The following OCA2 variants were observed in gnomAD, a reference collection of about 807,000 sequenced individuals.
The protein encoded by OCA2 is P protein.
OCA2 carries 77 observed loss-of-function variants against 100.2 expected under a neutral mutation model. The ratio of observed to expected loss-of-function variants is 0.77; its 90% CI spans 0.64 to 0.93. The LOEUF (loss-of-function observed/expected upper bound fraction) is 0.93. Among genes scored for constraint, OCA2 ranks in the 40% least tolerant of loss-of-function variants. OCA2 has a pLI of 0.00. For missense variants in OCA2, 1,062 were observed against 1,089.1 expected, an observed-to-expected ratio of 0.98 and a Z score of 0.35; for synonymous variants, 432 against 439.2, an observed-to-expected ratio of 0.98 and a Z score of 0.21.
intron 21 of OCA2, among the ~76,000 whole-genome samples, chr15:27,869,946 A>G (rs1039376593): frequency 2.0e-5 from 3 of 152,226 alleles, no homozygotes; most frequent in Admixed American, 6.5e-5. Context: ...AACTTCACCA[A>G]AAAAATAACA....
At chr15:27,877,999 A>G (rs2036860410) in intron 19 of OCA2, among the ~76,000 whole-genome samples, 1 of 150,302 alleles carries the variant, frequency 6.7e-6, no homozygotes, top group African/African-American at 2.4e-5. Flanking sequence ...AGTATTAAAT[A>G]TTAATATTTT....
In OCA2 at chr15:27,868,519, C is replaced by T. The variant is rs369912915; in HGVS notation, c.2244+2635G>A. On this transcript the variant is annotated intron_variant, in intron 21 of 23. Transcript: ENST00000354638. ...TCGTGTGTGGAATCTAAAATCGTCA[C>T]GCTCACGGAAGCAGAGAGTAGAATG... Among the ~76,000 whole-genome samples the T allele has an allele frequency of 1.3e-4, 20 of 152,114 alleles. No individual in the cohort carries two copies. In the East Asian group the frequency reaches 1.4e-3, roughly 10 times the overall value.
intron 1 of OCA2, among the ~76,000 whole-genome samples, chr15:28,082,700 C>T (rs1330103493): frequency 1.3e-5 from 2 of 152,110 alleles, no homozygotes; most frequent in Admixed American, 6.5e-5. Flanking sequence ...AACAGAGGCC[C>T]AAAAGACACA....
the OCA2 span, among the ~76,000 whole-genome samples, chr15:27,720,909 C>T: frequency 2.6e-5 from 4 of 152,076 alleles, no homozygotes; most frequent in Non-Finnish European, 4.4e-5. Flanking sequence ...AAGGAGCATG[C>T]GAATCCTGAG....
intron 23 of OCA2, among the ~76,000 whole-genome samples, chr15:27,807,035 G>GACCGGC (rs1482092723): frequency 6.6e-6 from 1 of 152,062 alleles, no homozygotes; most frequent in Non-Finnish European, 1.5e-5. Flanking sequence ...ACGTGCTCTG[G>GACCGGC]ACCGACCGGC....
chr15:27,949,301 C>T (rs114849295), intron 18 of OCA2, among the ~76,000 whole-genome samples: 1,559 of 152,254 alleles, frequency 0.01, 27 homozygotes, highest in African/African-American at 0.035. Context: ...TCGTGTGATA[C>T]GACATCATTT....
At chr15:28,065,317 A>C (rs1054004271) in intron 2 of OCA2, among the ~76,000 whole-genome samples, 7 of 152,140 alleles carry the variant, frequency 4.6e-5, no homozygotes, top group African/African-American at 1.7e-4. Flanking sequence ...CTAAGTTCCC[A>C]AGGAATCTCC....
chr15:27,958,289 C>G (rs1321888941), intron 15 of OCA2, among the ~76,000 whole-genome samples: 1 of 152,266 alleles, frequency 6.6e-6, no homozygotes, highest in Non-Finnish European at 1.5e-5. Flanking sequence ...CACATCAAAG[C>G]TAGCACCCAA....
chr15:27,908,302 G>A (rs956451746), intron 19 of OCA2, among the ~76,000 whole-genome samples: 1 of 151,952 alleles, frequency 6.6e-6, no homozygotes, highest in Non-Finnish European at 1.5e-5. Context: ...TAAATACTAG[G>A]GGGAAAAAAT....
chr15:27,990,953 C>T (rs2041538439), intron 9 of OCA2, among the ~76,000 whole-genome samples: 1 of 152,200 alleles, frequency 6.6e-6, no homozygotes, highest in Admixed American at 6.5e-5. Flanking sequence ...TAATTATTTG[C>T]CATATGCTCC....
intron 19 of OCA2, among the ~76,000 whole-genome samples, chr15:27,885,457 C>A (rs1445250893): frequency 6.6e-6 from 1 of 152,166 alleles, no homozygotes. Context: ...GAGAATTCAT[C>A]ACTTAGGAAC....
intron 22 of OCA2, 85 bp downstream of exon 22, chr15:27,851,297 A>G (rs2035738863): frequency 9.0e-7 from 1 of 1,106,458 alleles, no homozygotes; most frequent in East Asian, 2.5e-5. Flanking sequence ...ATTTGCTTTT[A>G]ATCTGATACA....
At chr15:27,731,761 G>C in the OCA2 span, among the ~76,000 whole-genome samples, 586 of 152,194 alleles carry the variant, frequency 3.9e-3, 4 homozygotes, top group African/African-American at 0.014. Context: ...GTTCACAGGA[G>C]AGAAAAAAGG....
At chr15:27,726,159 G>C in the OCA2 span, among the ~76,000 whole-genome samples, 13,693 of 151,856 alleles carry the variant, frequency 0.09, 2,129 homozygotes, top group African/African-American at 0.31. Context: ...ATAGCTGGGC[G>C]TGGTGGCACA....
At chr15:27,888,715 C>A (rs544253474) in intron 19 of OCA2, among the ~76,000 whole-genome samples, 1 of 152,030 alleles carries the variant, frequency 6.6e-6, no homozygotes, top group Admixed American at 6.5e-5. Context: ...CTGAAAACAT[C>A]CTAAGAGCAA....
At chr15:27,999,839 G>A (rs12101660) in intron 9 of OCA2, among the ~76,000 whole-genome samples, 5,555 of 151,990 alleles carry the variant, frequency 0.037, 322 homozygotes, top group African/African-American at 0.13. Flanking sequence ...TGTACTATCC[G>A]AAAAAGAAAG....
intron 23 of OCA2, among the ~76,000 whole-genome samples, chr15:27,806,844 G>A (rs1370205628): frequency 6.6e-6 from 1 of 152,240 alleles, no homozygotes; most frequent in Admixed American, 6.5e-5. Context: ...AGGCCCAGGT[G>A]GGAAGCAGCT....
At chr15:28,061,386 C>A (rs1462308349) in intron 2 of OCA2, among the ~76,000 whole-genome samples, 7 of 152,116 alleles carry the variant, frequency 4.6e-5, no homozygotes, top group Non-Finnish European at 1.5e-5. Context: ...AACATGAGTT[C>A]AGGAAAGTCA....
intron 19 of OCA2, chr15:27,896,394 A>T (rs1595596118): frequency 2.7e-6 from 2 of 732,272 alleles, no homozygotes; most frequent in African/African-American, 3.4e-5. Flanking sequence ...AACTCCAGAC[A>T]TGATGGAGGA....
Sources: allele counts gnomAD v4.1 joint callset (sites outside exome capture counted in the v4.1 genomes callset), GRCh38; gene constraint gnomAD v4.1.1; transcripts MANE v1.5; gene names NCBI Gene and HGNC (gene_info 2026-07-23, HGNC 2026-07-21).